PNKD: variants seen among roughly 807,000 people sequenced by gnomAD.
PNKD encodes the protein PNKD metallo-beta-lactamase domain containing, also known as probable thioesterase PNKD.
Under a neutral mutation model 45.3 loss-of-function variants are expected in PNKD, and 36 were observed. The ratio of observed to expected loss-of-function variants is 0.80; its 90% CI spans 0.61 to 1.05. The LOEUF is 1.05. PNKD is among the 50% of genes least tolerant of loss of function. PNKD has a pLI of 0.00. For synonymous variants in PNKD, 197 were observed against 210.1 expected (o/e 0.94, Z 0.54); for missense variants, 511 against 506.6 (o/e 1.01, Z -0.08).
At chr2:218,318,453 T>A (rs1004389944) in intron 2 of PNKD, among the ~76,000 whole-genome samples, 1 of 152,224 alleles carries the variant, frequency 6.6e-6, no homozygotes, top group Non-Finnish European at 1.5e-5. Context: ...AGGCTTGTTC[T>A]GACTCCCTTC....
intron 2 of PNKD, among the ~76,000 whole-genome samples, chr2:218,297,957 C>T (rs559678769): frequency 1.3e-5 from 2 of 148,582 alleles, no homozygotes; most frequent in Admixed American, 6.7e-5. Flanking sequence ...GAGATCACGC[C>T]ACTGCACTCC....
chr2:218,303,269 C>G (rs1020922770), intron 2 of PNKD, among the ~76,000 whole-genome samples: 1 of 152,084 alleles, frequency 6.6e-6, no homozygotes, highest in Non-Finnish European at 1.5e-5. Context: ...TTCAGGTTAA[C>G]TTTGGAATGC....
intron 2 of PNKD, among the ~76,000 whole-genome samples, chr2:218,308,225 A>C (rs1693477785): frequency 2.1e-5 from 3 of 142,278 alleles, no homozygotes; most frequent in South Asian, 4.5e-4. Flanking sequence ...GTCTCACTGC[A>C]CATCACTCAG....
intron 2 of PNKD, chr2:218,273,017 C>T: frequency 9.1e-7 from 1 of 1,093,656 alleles, no homozygotes; most frequent in Non-Finnish European, 1.2e-6. Context: ...CATGTGTGCT[C>T]CCTCTCACAG....
chr2:218,275,625 C>G, intron 2 of PNKD: 1 of 1,608,402 alleles, frequency 6.2e-7, no homozygotes, highest in South Asian at 1.1e-5. Context: ...CCAGGAACTG[C>G]AAGGATAGGG....
rs1488086410 is a variant in PNKD, at chr2:218,303,170, G to A, written c.236+31621G>A. ...TTGGCCAGGATGGTCTTGAACTCCT[G>A]GCCTCAGTGATCTGCCCACCTTGGC... is the stretch of plus-strand genomic sequence containing the variant. On this transcript the variant is annotated intron_variant, in intron 2 of 9. Transcript: ENST00000273077. 2.0e-5 allele frequency among the ~76,000 whole-genome samples: 3 copies of A among 152,084 alleles called. No homozygotes were observed. In the East Asian group the frequency reaches 5.8e-4, roughly 29 times the overall value.
intron 2 of PNKD, among the ~76,000 whole-genome samples, chr2:218,295,110 G>A (rs1242213193): frequency 6.6e-6 from 1 of 152,208 alleles, no homozygotes; most frequent in Non-Finnish European, 1.5e-5. Context: ...TTTTTCTCCA[G>A]AGCCCTTTTT....
At chr2:218,315,008 T>C (rs1693737140) in intron 2 of PNKD, among the ~76,000 whole-genome samples, 1 of 45,144 alleles carries the variant, frequency 2.2e-5, no homozygotes, top group African/African-American at 8.4e-5. Context: ...CTTTCTTTCT[T>C]TCTTTTTCTT....
chr2:218,289,625 G>GAAAAAAA (rs10675061), intron 2 of PNKD, among the ~76,000 whole-genome samples: 10 of 87,614 alleles, frequency 1.1e-4, no homozygotes, highest in Non-Finnish European at 1.5e-4. Context: ...CTGGGCGACA[G>GAAAAAAA]AAAAAAAAAA....
At chr2:218,323,526 G>A in intron 2 of PNKD, 2 of 1,211,606 alleles carry the variant, frequency 1.7e-6, no homozygotes, top group Non-Finnish European at 2.2e-6. Flanking sequence ...GGTGGGCGTG[G>A]CGGTTAGGAA....
intron 2 of PNKD, chr2:218,275,681 T>C (rs914659296): frequency 5.7e-6 from 9 of 1,568,928 alleles, no homozygotes; most frequent in Non-Finnish European, 7.8e-6. Flanking sequence ...AGCTCATTTT[T>C]GGTCAGCAGA....
At chr2:218,292,848 T>C (rs1241603662) in intron 2 of PNKD, among the ~76,000 whole-genome samples, 2 of 152,190 alleles carry the variant, frequency 1.3e-5, no homozygotes, top group African/African-American at 4.8e-5. Context: ...TTTTCTACAG[T>C]GGGGTATATT....
intron 7 of PNKD, among the ~76,000 whole-genome samples, chr2:218,342,399 A>ACAAAAAAATTTTAAAATAGGCCAGGCGTG (rs1275875962): frequency 1.2e-4 from 19 of 152,208 alleles, no homozygotes; most frequent in African/African-American, 4.6e-4. Context: ...GACTGTCTCT[A>ACAAAAAAATTTTAAAATAGGCCAGGCGTG]CAAAAAAATT....
intron 2 of PNKD, among the ~76,000 whole-genome samples, chr2:218,325,930 C>T (rs1039107485): frequency 6.6e-6 from 1 of 152,126 alleles, no homozygotes; most frequent in African/African-American, 2.4e-5. Flanking sequence ...TCCTCATAGT[C>T]TGGGAAACAA....
intron 2 of PNKD, chr2:218,316,795 T>G (rs574796536): frequency 1.3e-5 from 2 of 152,304 alleles, no homozygotes; most frequent in South Asian, 2.1e-4. Context: ...GGACTTGGGA[T>G]GGCCTGAACC....
chr2:218,324,350 C>G (rs1694082934), intron 2 of PNKD, among the ~76,000 whole-genome samples: 1 of 152,202 alleles, frequency 6.6e-6, no homozygotes, highest in Non-Finnish European at 1.5e-5. Context: ...AGAGCCTAAG[C>G]CTGGGAATTT....
intron 2 of PNKD, among the ~76,000 whole-genome samples, chr2:218,318,547 C>G (rs1693884060): frequency 6.6e-6 from 1 of 152,226 alleles, no homozygotes; most frequent in Admixed American, 6.5e-5. Flanking sequence ...CAAGAGGGCT[C>G]CAGTCTCTGG....
In PNKD at chr2:218,343,545, A is replaced by C; in HGVS notation, c.827A>C (p.Asp276Ala). 1 of 1,613,694 alleles carries C rather than the reference A, an allele frequency of 6.2e-7. No homozygotes were observed. Among genetic ancestry groups the C allele is most frequent in the African/African-American group, 1.3e-5 (1 of 75,006 alleles). ...GNAETMLSSL[D>A]TVLGLGDDTL... ...GCAGAGACCATGCTGAGCTCACTGGACACTGTGCTGGGGCTAGGGGATGAC... is the reference window on the plus strand; with the variant it reads ...GCAGAGACCATGCTGAGCTCACTGGCCACTGTGCTGGGGCTAGGGGATGAC... The change falls in exon 8 of 10, where the codon GAC (aspartate) becomes GCC (alanine). Residue 276 changes from aspartate to alanine, a missense_variant. By Grantham distance (126) the Asp-to-Ala change is moderately radical. Transcript: ENST00000273077.
chr2:218,334,615 C>T (rs929221688), intron 2 of PNKD: 12 of 685,366 alleles, frequency 1.8e-5, no homozygotes, highest in Non-Finnish European at 3.2e-5. Flanking sequence ...GATCACATCA[C>T]CGCACTCTTG....
Sources: gnomAD v4.1 joint callset for allele counts (sites outside exome capture counted in the v4.1 genomes callset) on GRCh38, gnomAD v4.1.1 for gene constraint, MANE v1.5 for transcripts, NCBI Gene and HGNC (gene_info 2026-07-23, HGNC 2026-07-21) for gene names.